Variants in CNTNAP5 observed in about 807,000 individuals in gnomAD.
CNTNAP5 encodes contactin associated protein family member 5.
A neutral mutation model predicts 150.2 loss-of-function variants in CNTNAP5; 72 were observed. The ratio of observed to expected loss-of-function variants is 0.48; its 90% CI spans 0.40 to 0.58. The LOEUF (loss-of-function observed/expected upper bound fraction) is 0.58. Among genes scored for constraint, CNTNAP5 ranks in the 20% least tolerant of loss-of-function variants. The pLI, the probability that CNTNAP5 is intolerant of heterozygous loss-of-function variation, is 0.00. For synonymous variants in CNTNAP5, 672 were observed against 619.8 expected, an observed-to-expected ratio of 1.08 and a Z score of -1.25; for missense variants, 1,636 against 1,626.2, an observed-to-expected ratio of 1.01 and a Z score of -0.10.
At chr2:124,134,848 A>G (rs1683937323) in intron 1 of CNTNAP5, among the ~76,000 whole-genome samples, 1 of 152,200 alleles carries the variant, frequency 6.6e-6, no homozygotes, top group South Asian at 2.1e-4. Flanking sequence ...GCTGAGGTTT[A>G]TACTTGAATA....
At chr2:124,480,878 G>A (rs1217452677) in intron 7 of CNTNAP5, among the ~76,000 whole-genome samples, 1 of 152,084 alleles carries the variant, frequency 6.6e-6, no homozygotes, top group African/African-American at 2.4e-5. Context: ...TCACTGAACA[G>A]TTGCTTCCTT....
intron 18 of CNTNAP5, among the ~76,000 whole-genome samples, chr2:124,790,611 C>T (rs1037500388): frequency 6.6e-6 from 1 of 152,166 alleles, no homozygotes; most frequent in Non-Finnish European, 1.5e-5. Context: ...GGTGAAATCT[C>T]TCTATTCCGC....
intron 13 of CNTNAP5, among the ~76,000 whole-genome samples, chr2:124,692,681 C>A (rs1486493585): frequency 6.6e-6 from 1 of 152,126 alleles, no homozygotes; most frequent in African/African-American, 2.4e-5. Flanking sequence ...TTTTCTCCCC[C>A]TTTCTTACTA....
At chr2:124,478,052 T>A (rs1366683124) in intron 7 of CNTNAP5, among the ~76,000 whole-genome samples, 4 of 152,016 alleles carry the variant, frequency 2.6e-5, no homozygotes, top group Non-Finnish European at 5.9e-5. Context: ...AATATCTTTA[T>A]ACATATTATG....
chr2:124,701,420 C>G (rs893745577), intron 13 of CNTNAP5, among the ~76,000 whole-genome samples: 1 of 152,018 alleles, frequency 6.6e-6, no homozygotes, highest in Non-Finnish European at 1.5e-5. Flanking sequence ...TTTATTCATG[C>G]CTTCAATGAT....
chr2:124,051,733 G>A (rs1256725592), intron 1 of CNTNAP5, among the ~76,000 whole-genome samples: 1 of 152,144 alleles, frequency 6.6e-6, no homozygotes, highest in African/African-American at 2.4e-5. Flanking sequence ...GGCTATAGTG[G>A]TGTCCATCTC....
intron 3 of CNTNAP5, among the ~76,000 whole-genome samples, chr2:124,324,782 A>C (rs1209072687): frequency 6.6e-6 from 1 of 152,198 alleles, no homozygotes; most frequent in Admixed American, 6.5e-5. Context: ...AACTCAGGGA[A>C]GAGAAAGAGG....
chr2:124,710,684 T>C (rs1287111570), intron 13 of CNTNAP5, among the ~76,000 whole-genome samples: 1 of 152,188 alleles, frequency 6.6e-6, no homozygotes, highest in Admixed American at 6.5e-5. Flanking sequence ...CCAGGCTGAC[T>C]CCTTAATTCA....
At chr2:124,666,835 C>A (rs1237938174) in intron 13 of CNTNAP5, among the ~76,000 whole-genome samples, 1 of 152,118 alleles carries the variant, frequency 6.6e-6, no homozygotes, top group South Asian at 2.1e-4. Flanking sequence ...CAGCAGCTTG[C>A]GTTTCTTTCC....
chr2:124,380,059 T>C (rs1227349687), intron 3 of CNTNAP5, among the ~76,000 whole-genome samples: 3 of 152,196 alleles, frequency 2.0e-5, no homozygotes, highest in Non-Finnish European at 2.9e-5. Flanking sequence ...TATTTGCATA[T>C]CTAAAACTAT....
At chr2:124,541,178 G>GTTTTTTTTTTTTTTTTTTTTT (rs1477319002) in intron 10 of CNTNAP5, among the ~76,000 whole-genome samples, 2 of 27,578 alleles carry the variant, frequency 7.3e-5, no homozygotes, top group African/African-American at 1.9e-4. Flanking sequence ...ACAAAATTCC[G>GTTTTTTTTTTTTTTTTTTTTT]ATTTTTTTTT....
At chr2:124,864,147 A>G (rs1677579979) in intron 19 of CNTNAP5, among the ~76,000 whole-genome samples, 1 of 152,206 alleles carries the variant, frequency 6.6e-6, no homozygotes, top group Non-Finnish European at 1.5e-5. Context: ...TGTCTGAGAT[A>G]AAGTAGCATC....
intron 11 of CNTNAP5, among the ~76,000 whole-genome samples, chr2:124,566,415 AGAT>A (rs1696025109): frequency 6.6e-6 from 1 of 152,186 alleles, no homozygotes; most frequent in Middle Eastern, 3.2e-3. Context: ...TAAAAATAGA[AGAT>A]GTCGAGCTTT....
At chr2:124,743,253 A>AT (rs1680536486) in intron 13 of CNTNAP5, among the ~76,000 whole-genome samples, 1 of 152,186 alleles carries the variant, frequency 6.6e-6, no homozygotes, top group South Asian at 2.1e-4. Context: ...GATTTCAGAG[A>AT]TTTAAAATAT....
chr2:124,843,172 A>G (rs1487583756), intron 19 of CNTNAP5, among the ~76,000 whole-genome samples: 2 of 152,066 alleles, frequency 1.3e-5, no homozygotes. Context: ...TTCATTCCAG[A>G]GTTACTTCAC....
intron 13 of CNTNAP5, among the ~76,000 whole-genome samples, chr2:124,701,525 C>A (rs1285416126): frequency 6.6e-6 from 1 of 152,104 alleles, no homozygotes; most frequent in Non-Finnish European, 1.5e-5. Context: ...GATTCCATTT[C>A]TTTTGGGGGT....
At chr2:124,402,512 C>T (rs1345540832) in intron 3 of CNTNAP5, among the ~76,000 whole-genome samples, 1 of 152,182 alleles carries the variant, frequency 6.6e-6, no homozygotes, top group Non-Finnish European at 1.5e-5. Flanking sequence ...TGAGATCAGA[C>T]TGGAATGCCA....
intron 11 of CNTNAP5, among the ~76,000 whole-genome samples, chr2:124,599,172 T>G (rs932775641): frequency 3.3e-5 from 5 of 152,164 alleles, no homozygotes; most frequent in African/African-American, 4.8e-5. Flanking sequence ...TCCTCCCACC[T>G]TCAATATTTA....
At chr2:124,491,452 T>C (rs1313480139) in intron 7 of CNTNAP5, among the ~76,000 whole-genome samples, 2 of 17,564 alleles carry the variant, frequency 1.1e-4, no homozygotes, top group African/African-American at 2.2e-4. Context: ...CACACACATA[T>C]GGAGAGAGAG....
Sources: allele counts gnomAD v4.1 joint callset (sites outside exome capture counted in the v4.1 genomes callset), GRCh38; gene constraint gnomAD v4.1.1; transcripts MANE v1.5; gene names NCBI Gene and HGNC (gene_info 2026-07-23, HGNC 2026-07-21).